MAGI1: variants seen among roughly 807,000 people sequenced by gnomAD.
MAGI1 encodes the protein membrane associated guanylate kinase, WW and PDZ domain containing 1, also known as membrane-associated guanylate kinase, WW and PDZ domain-containing protein 1.
MAGI1 carries 58 observed loss-of-function variants against 139.9 expected under a neutral mutation model. That is an observed-to-expected ratio of 0.41 (90% CI 0.34 to 0.52). MAGI1 has a LOEUF of 0.52. Among genes scored for constraint, MAGI1 ranks in the 20% least tolerant of loss-of-function variants. MAGI1 has a pLI of 0.12. For missense variants in MAGI1, 1,874 were observed against 1,901.6 expected (o/e 0.99, Z 0.27); for synonymous variants, 812 against 737.9 (o/e 1.10, Z -1.63).
intron 1 of MAGI1, among the ~76,000 whole-genome samples, chr3:65,790,785 G>T (rs75353953): frequency 6.6e-6 from 1 of 152,174 alleles, no homozygotes; most frequent in Admixed American, 6.5e-5. Context: ...GTACAACGAA[G>T]ATTGTGCAGG....
At chr3:65,477,890 G>A (rs113484462) in intron 4 of MAGI1, among the ~76,000 whole-genome samples, 8 of 151,294 alleles carry the variant, frequency 5.3e-5, no homozygotes, top group Non-Finnish European at 8.8e-5. Context: ...TTACCCAAAG[G>A]CCTTGTCCTT....
intron 1 of MAGI1, among the ~76,000 whole-genome samples, chr3:65,875,256 G>A (rs1488000972): frequency 6.6e-6 from 1 of 152,158 alleles, no homozygotes; most frequent in East Asian, 1.9e-4. Flanking sequence ...GAGTGATACA[G>A]AAAAGGTAAA....
At chr3:65,484,077 C>A (rs921378407) in intron 3 of MAGI1, among the ~76,000 whole-genome samples, 13 of 152,196 alleles carry the variant, frequency 8.5e-5, no homozygotes, top group Non-Finnish European at 1.9e-4. Context: ...GAAACACGAT[C>A]TTCACAACCA....
intron 2 of MAGI1, among the ~76,000 whole-genome samples, chr3:65,593,682 G>A (rs1206061158): frequency 3.3e-5 from 5 of 152,044 alleles, no homozygotes; most frequent in Non-Finnish European, 5.9e-5. Flanking sequence ...GACTGCATAA[G>A]GTCAAAGTTC....
rs552700340 is a variant in MAGI1 at position 65,857,433 on chromosome 3, C to G, written c.313+180563G>C. ...ATCAGAAGACTTTCTTAGCTATTCT[C>G]TAATTTACAACTGCTAATCTTTGCA... On this transcript the variant is annotated intron_variant, in intron 1 of 22. Transcript: ENST00000402939. Among the ~76,000 whole-genome samples, 11 of 152,304 alleles carry G rather than the reference C, an allele frequency of 7.2e-5. No homozygotes were observed. The South Asian group carries it at 2.3e-3, about 32-fold the overall frequency.
At chr3:65,537,662 A>C (rs761678636) in intron 2 of MAGI1, among the ~76,000 whole-genome samples, 70 of 152,182 alleles carry the variant, frequency 4.6e-4, no homozygotes, top group Non-Finnish European at 9.8e-4. Flanking sequence ...GCTGGATTAA[A>C]AATGACCTCC....
intron 1 of MAGI1, among the ~76,000 whole-genome samples, chr3:65,737,090 C>T (rs2034818080): frequency 6.6e-6 from 1 of 152,108 alleles, no homozygotes; most frequent in Non-Finnish European, 1.5e-5. Context: ...CTACAAGCTC[C>T]ACCTCCTGGG....
At chr3:65,437,394 C>T (rs1410572800) in intron 9 of MAGI1, 147 bp from the exon 10 acceptor site, 1 of 376,468 alleles carries the variant, frequency 2.7e-6, no homozygotes, top group African/African-American at 2.6e-5. Context: ...TGACCTCATT[C>T]TATGAAGCTC....
chr3:65,983,393 G>C (rs951669812), intron 1 of MAGI1, among the ~76,000 whole-genome samples: 1 of 152,150 alleles, frequency 6.6e-6, no homozygotes, highest in South Asian at 2.1e-4. Context: ...GAGACTCTCC[G>C]AGGCCTCTCT....
intron 1 of MAGI1, among the ~76,000 whole-genome samples, chr3:65,808,741 C>G (rs1284463073): frequency 6.6e-6 from 1 of 152,174 alleles, no homozygotes; most frequent in Non-Finnish European, 1.5e-5. Context: ...AATTGGGGAC[C>G]ATTCTGCTCT....
chr3:65,733,599 A>T (rs1008156142), intron 1 of MAGI1, among the ~76,000 whole-genome samples: 2 of 152,212 alleles, frequency 1.3e-5, no homozygotes, highest in Admixed American at 6.5e-5. Flanking sequence ...GAGTCATCCT[A>T]TCAAAAAACC....
Position 65,356,921 on chromosome 3 carries a change from C to G in MAGI1, c.3846G>C (p.Trp1282Cys), listed in dbSNP as rs1559876288. Residue 1282 changes from tryptophan (W) to cysteine (C), a missense_variant, in exon 23 of 23, where the codon TGG (tryptophan) becomes TGC (cysteine). Trp to Cys is a radical substitution (Grantham distance 215). Transcript: ENST00000402939. Reference sequence around the variant, plus strand: ...TGTCGGGTTTCCTCGAAGTCCCATTCCAGGTGTGGTGTTCATTGGGTTGTC... The same window carrying G: ...TGTCGGGTTTCCTCGAAGTCCCATTGCAGGTGTGGTGTTCATTGGGTTGTC... ...YSRQPNEHHT[W>C]NGTSRKPDSG... 1 of 1,614,186 alleles carries G rather than the reference C, an allele frequency of 6.2e-7. No individual in the cohort carries two copies. The highest frequency in any genetic ancestry group is 1.7e-5 in the Admixed American group (1 of 60,038).
chr3:65,531,130 T>C (rs1223453157), intron 2 of MAGI1, among the ~76,000 whole-genome samples: 1 of 151,850 alleles, frequency 6.6e-6, no homozygotes. Flanking sequence ...GCAAAATCTC[T>C]TTTTTTACAT....
intron 1 of MAGI1, among the ~76,000 whole-genome samples, chr3:65,685,708 G>A (rs115618831): frequency 7.4e-4 from 113 of 152,170 alleles, no homozygotes; most frequent in African/African-American, 2.5e-3. Context: ...TTCTATTTTA[G>A]TAAAAATAAG....
At chr3:65,861,981 C>T (rs1236894367) in intron 1 of MAGI1, among the ~76,000 whole-genome samples, 2 of 152,174 alleles carry the variant, frequency 1.3e-5, no homozygotes, top group African/African-American at 4.8e-5. Context: ...GTCACAAAGA[C>T]CATGCCCTGT....
chr3:65,619,521 T>C (rs1411536296), intron 2 of MAGI1, among the ~76,000 whole-genome samples: 1 of 152,126 alleles, frequency 6.6e-6, no homozygotes, highest in Non-Finnish European at 1.5e-5. Context: ...CAATGAAATG[T>C]CAGTGGCAGG....
intron 1 of MAGI1, among the ~76,000 whole-genome samples, chr3:65,705,758 A>G (rs1290503165): frequency 2.0e-5 from 3 of 152,210 alleles, no homozygotes; most frequent in Non-Finnish European, 4.4e-5. Flanking sequence ...TGGCTACAAA[A>G]GTTTGAGCTC....
rs1012295148 is a variant in MAGI1 at position 65,673,245 on chromosome 3, GCCAGAC to G, written c.314-51163_314-51158del. Among the ~76,000 whole-genome samples, 68 of 152,196 alleles carry G rather than the reference GCCAGAC, an allele frequency of 4.5e-4. 1 individual carries two copies. Among genetic ancestry groups the G allele is most frequent in the South Asian group, 8.3e-4 (4 of 4,814 alleles). Reference sequence around the variant, plus strand: ...CCTAATGTTTATACCCTTTTACATGGCCAGACACTGAATGAATTTCTTCTAATGATC... The same window carrying G: ...CCTAATGTTTATACCCTTTTACATGGACTGAATGAATTTCTTCTAATGATC... On this transcript the variant is annotated intron_variant, in intron 1 of 22. Transcript: ENST00000402939.
At chr3:66,028,918 C>T (rs2107587955) in intron 1 of MAGI1, among the ~76,000 whole-genome samples, 1 of 152,330 alleles carries the variant, frequency 6.6e-6, no homozygotes, top group South Asian at 2.1e-4. Flanking sequence ...ATTCTTTCTT[C>T]TCTCCCAAGG....
Sources: allele counts gnomAD v4.1 joint callset (sites outside exome capture counted in the v4.1 genomes callset), GRCh38; gene constraint gnomAD v4.1.1; transcripts MANE v1.5; gene names NCBI Gene and HGNC (gene_info 2026-07-23, HGNC 2026-07-21).